Variants in AKAP6 observed in about 807,000 individuals in gnomAD.
AKAP6 encodes the protein A-kinase anchor protein 6.
AKAP6 carries 58 observed loss-of-function variants against 188.5 expected under a neutral mutation model. That is an observed-to-expected ratio of 0.31 (90% CI 0.25 to 0.38). The LOEUF (loss-of-function observed/expected upper bound fraction) is 0.38, where lower values mean the gene tolerates loss of function less well. Among genes scored for constraint, AKAP6 ranks in the 10% least tolerant of loss-of-function variants. The pLI, the probability that AKAP6 is intolerant of heterozygous loss-of-function variation, is 1.00. For synonymous variants in AKAP6, 989 were observed against 998.6 expected, an observed-to-expected ratio of 0.99 and a Z score of 0.18; for missense variants, 2,710 against 2,740.0, an observed-to-expected ratio of 0.99 and a Z score of 0.24.
chr14:32,593,011 A>AACGCACAC (rs1885551313), intron 5 of AKAP6, among the ~76,000 whole-genome samples: 1 of 123,800 alleles, frequency 8.1e-6, no homozygotes, highest in African/African-American at 3.2e-5. Flanking sequence ...CCCCCACCCC[A>AACGCACAC]ACACACACAC....
chr14:32,799,249 C>T (rs2140082145), intron 12 of AKAP6, among the ~76,000 whole-genome samples: 1 of 152,282 alleles, frequency 6.6e-6, no homozygotes, highest in African/African-American at 2.4e-5. Context: ...AGATGTATCC[C>T]TTTCAGTACT....
chr14:32,450,137 A>G (rs1890891455), intron 2 of AKAP6, among the ~76,000 whole-genome samples: 1 of 152,188 alleles, frequency 6.6e-6, no homozygotes, highest in East Asian at 1.9e-4. Flanking sequence ...ATGAACCTGA[A>G]TTTCCTTAGC....
At chr14:32,583,947 G>A (rs1318877041) in intron 5 of AKAP6, among the ~76,000 whole-genome samples, 3 of 152,182 alleles carry the variant, frequency 2.0e-5, no homozygotes, top group Non-Finnish European at 4.4e-5. Flanking sequence ...GCAATGCCTC[G>A]CCCTGCTTTG....
At chr14:32,414,895 C>A (rs1889608308) in intron 1 of AKAP6, among the ~76,000 whole-genome samples, 1 of 152,128 alleles carries the variant, frequency 6.6e-6, no homozygotes, top group South Asian at 2.1e-4. Flanking sequence ...ATTTAGCTTG[C>A]CTTTGTTCCA....
chr14:32,692,196 A>G (rs144600487), intron 8 of AKAP6, among the ~76,000 whole-genome samples: 1 of 152,338 alleles, frequency 6.6e-6, no homozygotes, highest in East Asian at 1.9e-4. Flanking sequence ...GCAGGTCTCC[A>G]GTGTAGACTG....
chr14:32,774,744 G>GCATA (rs72019648), intron 12 of AKAP6, among the ~76,000 whole-genome samples: 1,787 of 151,524 alleles, frequency 0.012, 20 homozygotes, highest in East Asian at 0.044. Flanking sequence ...TAAATGGAAT[G>GCATA]CATACATACA....
At chr14:32,723,556 T>TG (rs367991855) in intron 9 of AKAP6, among the ~76,000 whole-genome samples, 69,732 of 140,524 alleles carry the variant, frequency 0.5, 17,853 homozygotes, top group South Asian at 0.66. Flanking sequence ...TGCGTATGTG[T>TG]TTATGTGTGT....
intron 1 of AKAP6, among the ~76,000 whole-genome samples, chr14:32,412,718 C>T (rs1000045475): frequency 1.3e-5 from 2 of 152,160 alleles, no homozygotes; most frequent in African/African-American, 4.8e-5. Flanking sequence ...TTACACTCTT[C>T]AAGTCTCCAG....
chr14:32,794,759 G>A lies in AKAP6; in HGVS notation c.3588+20866G>A, dbSNP rs538084010. ...CTAGAGAACGAAGAACAAGCAAACCGCAAAGCTAGCAGAAGACAAGAAATA... is the reference window on the plus strand; with the variant it reads ...CTAGAGAACGAAGAACAAGCAAACCACAAAGCTAGCAGAAGACAAGAAATA... On this transcript the variant is annotated intron_variant, in intron 12 of 13. Coordinates refer to ENST00000280979, the MANE Select transcript of AKAP6 (RefSeq NM_004274.5). Among the ~76,000 whole-genome samples the A allele has an allele frequency of 9.9e-5, 15 of 152,052 alleles. No homozygotes were observed. The South Asian group carries it at 1.2e-3, about 13-fold the overall frequency.
chr14:32,633,852 C>T (rs1175669310), intron 7 of AKAP6, among the ~76,000 whole-genome samples: 2 of 152,060 alleles, frequency 1.3e-5, no homozygotes, highest in Non-Finnish European at 2.9e-5. Context: ...AACCAGGCTG[C>T]ACTTCTTCAT....
chr14:32,657,332 G>A (rs1040289301), intron 7 of AKAP6, among the ~76,000 whole-genome samples: 2 of 152,184 alleles, frequency 1.3e-5, no homozygotes, highest in East Asian at 3.9e-4. Flanking sequence ...CAAGAAGAGA[G>A]AAGCGCAACC....
At chr14:32,607,834 T>C (rs1169873066) in intron 7 of AKAP6, among the ~76,000 whole-genome samples, 1 of 152,176 alleles carries the variant, frequency 6.6e-6, no homozygotes, top group Non-Finnish European at 1.5e-5. Flanking sequence ...CCTGCTGAAC[T>C]ATATAAACAT....
intron 2 of AKAP6, among the ~76,000 whole-genome samples, chr14:32,483,681 T>C (rs1219368751): frequency 6.6e-6 from 1 of 151,926 alleles, no homozygotes; most frequent in Non-Finnish European, 1.5e-5. Flanking sequence ...ACGGGGTTTC[T>C]CCATGTTGGT....
intron 1 of AKAP6, among the ~76,000 whole-genome samples, chr14:32,403,608 C>A (rs548520880): frequency 1.3e-5 from 2 of 152,306 alleles, no homozygotes; most frequent in Admixed American, 1.3e-4. Context: ...TAACTTAAAC[C>A]TTCCCAGTCT....
intron 2 of AKAP6, among the ~76,000 whole-genome samples, chr14:32,441,583 C>A (rs1159908622): frequency 6.6e-6 from 1 of 152,140 alleles, no homozygotes; most frequent in Non-Finnish European, 1.5e-5. Context: ...AGACCTAGCA[C>A]CTGTTTTGGA....
intron 1 of AKAP6, among the ~76,000 whole-genome samples, chr14:32,417,498 A>G (rs1024434791): frequency 1.3e-5 from 2 of 152,192 alleles, no homozygotes; most frequent in Non-Finnish European, 2.9e-5. Context: ...ATACACAAGG[A>G]AGCTGCCAGT....
chr14:32,656,221 TTC>T (rs971741660), intron 7 of AKAP6, among the ~76,000 whole-genome samples: 5 of 152,080 alleles, frequency 3.3e-5, no homozygotes, highest in African/African-American at 1.2e-4. Flanking sequence ...ACATAAATCT[TTC>T]TGTTTTATGT....
At chr14:32,398,780 T>C (rs1420262917) in intron 1 of AKAP6, among the ~76,000 whole-genome samples, 1 of 131,252 alleles carries the variant, frequency 7.6e-6, no homozygotes, top group Non-Finnish European at 1.5e-5. Flanking sequence ...TTCTTTTCTT[T>C]TCTCTCTCTC....
At chr14:32,657,488 C>T (rs547610962) in intron 7 of AKAP6, among the ~76,000 whole-genome samples, 5 of 152,196 alleles carry the variant, frequency 3.3e-5, no homozygotes, top group East Asian at 3.9e-4. Context: ...TTGAGATTTT[C>T]AGTTTAGATT....
Sources: gnomAD v4.1 joint callset for allele counts (sites outside exome capture counted in the v4.1 genomes callset) on GRCh38, gnomAD v4.1.1 for gene constraint, MANE v1.5 for transcripts, NCBI Gene and HGNC (gene_info 2026-07-23, HGNC 2026-07-21) for gene names.